The following BICC1 variants were observed in gnomAD, a reference collection of about 807,000 sequenced individuals.
The protein encoded by BICC1 is protein bicaudal C homolog 1.
BICC1 carries 43 observed loss-of-function variants against 111.0 expected under a neutral mutation model. That is an observed-to-expected ratio of 0.39 (90% CI 0.30 to 0.50). BICC1 has a LOEUF of 0.50. Ranked by LOEUF, BICC1 falls within the 20% of genes least tolerant of loss-of-function variation. The probability of loss-of-function intolerance (pLI) is 0.88; values close to 1 mark genes in which losing one functional copy is unlikely to be tolerated. For missense variants in BICC1, 1,091 were observed against 1,203.2 expected (o/e 0.91, Z 1.38); for synonymous variants, 467 against 434.4 (o/e 1.07, Z -0.93).
chr10:58,598,856 A>G (rs1844925922), intron 1 of BICC1, among the ~76,000 whole-genome samples: 1 of 152,218 alleles, frequency 6.6e-6, no homozygotes, highest in Admixed American at 6.5e-5. Context: ...ATGAACAGAC[A>G]CTTCTCAAAA....
chr10:58,573,803 T>G (rs1844032491), intron 1 of BICC1, among the ~76,000 whole-genome samples: 1 of 150,300 alleles, frequency 6.7e-6, no homozygotes, highest in African/African-American at 2.4e-5. Context: ...TGACTTCTGA[T>G]TATTCTTCAG....
At chr10:58,716,150 A>G (rs1840732993) in intron 3 of BICC1, 18 of 1,503,970 alleles carry the variant, frequency 1.2e-5, no homozygotes, top group East Asian at 2.5e-5. Flanking sequence ...GAATCAGAGT[A>G]TATTGAGGAG....
intron 3 of BICC1, among the ~76,000 whole-genome samples, chr10:58,744,039 G>A (rs752538219): frequency 4.6e-5 from 7 of 151,990 alleles, no homozygotes; most frequent in African/African-American, 7.2e-5. Context: ...ATGAACTAAG[G>A]CAGAAGAAGT....
chr10:58,590,867 A>T (rs952091913), intron 1 of BICC1, among the ~76,000 whole-genome samples: 1 of 152,222 alleles, frequency 6.6e-6, no homozygotes, highest in African/African-American at 2.4e-5. Flanking sequence ...ATATAACCAC[A>T]TGCCAATCCT....
intron 2 of BICC1, among the ~76,000 whole-genome samples, chr10:58,688,781 A>G (rs1162040271): frequency 6.6e-6 from 1 of 152,170 alleles, no homozygotes; most frequent in Non-Finnish European, 1.5e-5. Context: ...ACACAGGAAC[A>G]TAAAACCAAC....
chr10:58,558,831 G>A (rs1843528179), intron 1 of BICC1, among the ~76,000 whole-genome samples: 1 of 152,032 alleles, frequency 6.6e-6, no homozygotes, highest in African/African-American at 2.4e-5. Flanking sequence ...ATGCCTTCTA[G>A]CTGCATCCTC....
At chr10:58,823,928 A>G in intron 20 of BICC1, 6 of 985,366 alleles carry the variant, frequency 6.1e-6, no homozygotes, top group South Asian at 4.7e-5. Flanking sequence ...AGCTTTTAAT[A>G]ACTGTGTTTC....
At chr10:58,637,518 C>T (rs1049209187) in intron 2 of BICC1, among the ~76,000 whole-genome samples, 1 of 152,180 alleles carries the variant, frequency 6.6e-6, no homozygotes, top group Non-Finnish European at 1.5e-5. Flanking sequence ...AAGAATTTGC[C>T]GCTGGTTCTG....
chr10:58,652,169 G>T (rs1166312465), intron 2 of BICC1, among the ~76,000 whole-genome samples: 1 of 152,092 alleles, frequency 6.6e-6, no homozygotes, highest in Non-Finnish European at 1.5e-5. Context: ...ATAACATGAA[G>T]AAACTAGATG....
chr10:58,728,888 AAGG>A (rs1202782300), intron 3 of BICC1, among the ~76,000 whole-genome samples: 6 of 152,124 alleles, frequency 3.9e-5, no homozygotes, highest in Admixed American at 3.9e-4. Context: ...ATATTAAAAA[AAGG>A]AATCTTTTTT....
intron 3 of BICC1, among the ~76,000 whole-genome samples, chr10:58,719,689 A>G (rs1840879645): frequency 6.6e-6 from 1 of 152,164 alleles, no homozygotes; most frequent in Non-Finnish European, 1.5e-5. Flanking sequence ...AAAGACCAGT[A>G]TGTCTTATTC....
intron 1 of BICC1, among the ~76,000 whole-genome samples, chr10:58,527,596 T>G (rs1842578530): frequency 1.3e-5 from 2 of 151,976 alleles, no homozygotes; most frequent in Admixed American, 1.3e-4. Context: ...AGTTAGTTTT[T>G]GTATAAGGTG....
At chr10:58,741,647 A>G (rs1217665287) in intron 3 of BICC1, among the ~76,000 whole-genome samples, 3 of 152,192 alleles carry the variant, frequency 2.0e-5, no homozygotes, top group African/African-American at 7.2e-5. Flanking sequence ...GAGAGGTCTT[A>G]TATCTTTGCA....
At chr10:58,785,842 C>G (rs1309212749) in intron 4 of BICC1, among the ~76,000 whole-genome samples, 1 of 152,158 alleles carries the variant, frequency 6.6e-6, no homozygotes, top group Non-Finnish European at 1.5e-5. Context: ...CATTCTTAAC[C>G]ACTTTGTCTT....
intron 2 of BICC1, among the ~76,000 whole-genome samples, chr10:58,689,157 ACT>A (rs1295698076): frequency 2.0e-5 from 3 of 152,156 alleles, no homozygotes; most frequent in East Asian, 3.9e-4. Context: ...GTGTTTTCTG[ACT>A]CTGTCTTTCA....
Position 58,699,623 on chromosome 10 carries a change from AAG to A in BICC1, c.238-2450_238-2449del, listed in dbSNP as rs201805201. Reference sequence around the variant, plus strand: ...TGCATTATTTAATTCAGAAAAAGAAAAGCATGTAGATTGTTTTCTTACTGCCT... The same window carrying A: ...TGCATTATTTAATTCAGAAAAAGAAACATGTAGATTGTTTTCTTACTGCCT... On this transcript the variant is annotated intron_variant, in intron 2 of 20. Coordinates refer to ENST00000373886, the MANE Select transcript of BICC1 (RefSeq NM_001080512.3). Among the ~76,000 whole-genome samples the A allele has an allele frequency of 1.0e-2, 1,521 of 152,346 alleles. 22 individuals are homozygous for A. The highest frequency in any genetic ancestry group is 0.035 in the African/African-American group (1,464 of 41,580).
chr10:58,728,201 C>A (rs1226324069), intron 3 of BICC1, among the ~76,000 whole-genome samples: 1 of 152,218 alleles, frequency 6.6e-6, no homozygotes, highest in African/African-American at 2.4e-5. Context: ...TGTCTAATAG[C>A]ATTTTATTCA....
At chr10:58,739,074 A>G (rs553397222) in intron 3 of BICC1, among the ~76,000 whole-genome samples, 1 of 151,992 alleles carries the variant, frequency 6.6e-6, no homozygotes, top group Non-Finnish European at 1.5e-5. Flanking sequence ...AATACCCTTT[A>G]TTTCCTTCTC....
At chr10:58,791,803 T>C (rs1843187985) in intron 8 of BICC1, among the ~76,000 whole-genome samples, 1 of 152,180 alleles carries the variant, frequency 6.6e-6, no homozygotes, top group Non-Finnish European at 1.5e-5. Flanking sequence ...TTTTTCTTTT[T>C]TTAGTTTAGG....
Sources: allele counts gnomAD v4.1 joint callset (sites outside exome capture counted in the v4.1 genomes callset), GRCh38; gene constraint gnomAD v4.1.1; transcripts MANE v1.5; gene names NCBI Gene and HGNC (gene_info 2026-07-23, HGNC 2026-07-21).